The following CD8B variants were observed in gnomAD, a reference collection of about 807,000 sequenced individuals.
CD8B encodes T-cell surface glycoprotein CD8 beta chain.
CD8B carries 6 observed loss-of-function variants against 24.2 expected under a neutral mutation model. The observed-to-expected ratio is 0.25, with a 90% CI of 0.14 to 0.49. The LOEUF (loss-of-function observed/expected upper bound fraction) is 0.49. Among genes scored for constraint, CD8B ranks in the 20% least tolerant of loss-of-function variants. The pLI is 0.98. For synonymous variants in CD8B, 84 were observed against 108.3 expected (o/e 0.78, Z 1.39); for missense variants, 196 against 271.3 (o/e 0.72, Z 1.95).
chr2:86,823,209 C>G (rs1484678389), intron 5 of CD8B, among the ~76,000 whole-genome samples: 4 of 152,056 alleles, frequency 2.6e-5, no homozygotes, highest in Admixed American at 2.6e-4. Flanking sequence ...ACTCTTGGTA[C>G]CTCCTGCAAG....
In CD8B at chr2:86,841,960, C is replaced by A; in HGVS notation, c.*347G>T. On this transcript the variant is annotated 3_prime_UTR_variant, in exon 6 of 6. Coordinates refer to ENST00000390655, the MANE Select transcript of CD8B (RefSeq NM_004931.5). ...TTACTGCCCTACCAGGGCAAAGCAACCTGCAAAGATGGTGGCTAAATGGCC... is the reference window on the plus strand; with the variant it reads ...TTACTGCCCTACCAGGGCAAAGCAAACTGCAAAGATGGTGGCTAAATGGCC... 1 of 1,049,900 alleles carries A rather than the reference C, an allele frequency of 9.5e-7. No homozygotes were observed. The highest frequency in any genetic ancestry group is 1.1e-6 in the Non-Finnish European group (1 of 872,812). The allele number at this position is 1,049,900 out of a possible 1,614,324, so 65.0% of individuals were successfully genotyped here. A position where few individuals can be genotyped will look rare whatever the true frequency, so the allele number is the denominator to read the frequency against.
chr2:86,853,961 G>A (rs894546699), intron 2 of CD8B, among the ~76,000 whole-genome samples: 4 of 152,028 alleles, frequency 2.6e-5, no homozygotes, highest in Admixed American at 6.6e-5. Context: ...GGCTGGTCTT[G>A]AACTCCTGAT....
At chr2:86,843,723 G>T in intron 5 of CD8B, 1 of 980,988 alleles carries the variant, frequency 1.0e-6, no homozygotes, top group South Asian at 4.7e-5. Flanking sequence ...CTCTGACTCC[G>T]GGGTCCTGGG....
At chr2:86,846,405 C>G (rs1320672874) in intron 4 of CD8B, among the ~76,000 whole-genome samples, 1 of 152,016 alleles carries the variant, frequency 6.6e-6, no homozygotes, top group African/African-American at 2.4e-5. Context: ...TGTCCTACCC[C>G]CATCTGAGGC....
At chr2:86,825,549 A>G (rs1393826288) in intron 5 of CD8B, among the ~76,000 whole-genome samples, 5 of 152,178 alleles carry the variant, frequency 3.3e-5, no homozygotes, top group Non-Finnish European at 7.4e-5. Flanking sequence ...GAATCAGACA[A>G]CGGCTGCCCT....
downstream of CD8B, among the ~76,000 whole-genome samples, chr2:86,834,315 C>CTCAT (rs1226177783): frequency 1.3e-5 from 2 of 150,882 alleles, no homozygotes; most frequent in African/African-American, 4.9e-5. Context: ...TACATTTTTA[C>CTCAT]TCAGTGACAT....
At chr2:86,835,857 TG>T (rs1429893208), downstream of CD8B, among the ~76,000 whole-genome samples, 3 of 151,060 alleles carry the variant, frequency 2.0e-5, no homozygotes, top group African/African-American at 4.9e-5. Flanking sequence ...GGGGCTGGCA[TG>T]AGGCTGCAGC....
In CD8B at chr2:86,839,443, T is replaced by C. The variant is rs1675315672; in HGVS notation, c.*2864A>G. Reference sequence around the variant, plus strand: ...ACAAGTGGAATTGCTAGTCAAAAGATAGCTGGATGGAGTTTGGGGGGCATA... The same window carrying C: ...ACAAGTGGAATTGCTAGTCAAAAGACAGCTGGATGGAGTTTGGGGGGCATA... On this transcript the variant is annotated 3_prime_UTR_variant, in exon 6 of 6. Transcript: ENST00000390655. Among the ~76,000 whole-genome samples the C allele has an allele frequency of 1.3e-5, 2 of 152,242 alleles. No individual in the cohort carries two copies. Among genetic ancestry groups the C allele is most frequent in the African/African-American group, 4.8e-5 (2 of 41,462 alleles).
chr2:86,861,399 C>T (rs930263045), intron 1 of CD8B, among the ~76,000 whole-genome samples: 8 of 152,106 alleles, frequency 5.3e-5, no homozygotes, highest in Non-Finnish European at 1.0e-4. Flanking sequence ...GTACTACAAA[C>T]ACTTCCCCGG....
At chr2:86,818,162 CTG>C (rs1237470232) in intron 5 of CD8B, among the ~76,000 whole-genome samples, 2 of 152,004 alleles carry the variant, frequency 1.3e-5, no homozygotes, top group Non-Finnish European at 2.9e-5. Context: ...TGAGCCGAGA[CTG>C]TACCACTGCA....
intron 5 of CD8B, among the ~76,000 whole-genome samples, chr2:86,817,635 A>G (rs1674308404): frequency 6.6e-6 from 1 of 152,144 alleles, no homozygotes; most frequent in South Asian, 2.1e-4. Flanking sequence ...TCACAAGTAT[A>G]AAAAAAGCCT....
rs537694322 is a variant in CD8B, at chr2:86,857,472, G to A, written c.403+585C>T. ...GGTGGCTCACGCCTGTAATCCTAGC[G>A]CTTTGGGAGGCTAAGGTGGGTGGAT... On this transcript the variant is annotated intron_variant, in intron 2 of 5. Transcript: ENST00000390655. Among the ~76,000 whole-genome samples, 11 of 152,168 alleles carry A rather than the reference G, an allele frequency of 7.2e-5. No individual in the cohort carries two copies. The East Asian group carries it at 1.2e-3, about 16-fold the overall frequency.
At chr2:86,852,508 C>G (rs1054621679) in intron 3 of CD8B, among the ~76,000 whole-genome samples, 4 of 151,738 alleles carry the variant, frequency 2.6e-5, no homozygotes, top group African/African-American at 9.7e-5. Flanking sequence ...AAGCCCCCAG[C>G]CTTAGGCAGC....
chr2:86,822,380 C>A, intron 5 of CD8B: 1 of 1,552,760 alleles, frequency 6.4e-7, no homozygotes, highest in Non-Finnish European at 8.9e-7. Flanking sequence ...TTAGTCTTGG[C>A]ACAATAGAGT....
In CD8B at chr2:86,846,750, G is replaced by C. The variant is rs756415770; in HGVS notation, c.517C>G (p.Leu173Val). The C allele has an allele frequency of 6.3e-7, 1 of 1,582,920 alleles. No individual in the cohort carries two copies. The highest frequency in any genetic ancestry group is 1.2e-5 in the South Asian group (1 of 86,344). The change falls in exon 4 of 6, where the codon CTT becomes GTT. Residue 173 changes from leucine to valine, a missense_variant. Coordinates refer to ENST00000390655, the MANE Select transcript of CD8B (RefSeq NM_004931.5). ...AGGACGCCAGCCACCAGCAGGCCAA[G>C]GGTGATGGGGCTACAAAGTGGGCCT... ...QKGPLCSPIT[L>V]GLLVAGVLVL...
chr2:86,821,640 T>C, intron 5 of CD8B: 1 of 333,156 alleles, frequency 3.0e-6, no homozygotes, highest in Non-Finnish European at 6.6e-6. Context: ...CCTCCATAAC[T>C]GAGAGCAGGC....
chr2:86,860,602 C>T (rs1225640350), intron 1 of CD8B, among the ~76,000 whole-genome samples: 1 of 152,192 alleles, frequency 6.6e-6, no homozygotes, highest in African/African-American at 2.4e-5. Context: ...CTCAAGGTCA[C>T]ACAGTGATCC....
chr2:86,843,789 G>A, intron 5 of CD8B: 3 of 441,020 alleles, frequency 6.8e-6, no homozygotes, highest in Non-Finnish European at 9.0e-6. Context: ...TGTGAGATTG[G>A]CACTGTTAGC....
At chr2:86,827,786 A>G (rs1674751280) in intron 5 of CD8B, among the ~76,000 whole-genome samples, 2 of 152,212 alleles carry the variant, frequency 1.3e-5, no homozygotes, top group African/African-American at 2.4e-5. Flanking sequence ...AGTTGCAAAG[A>G]TTTTTGAATT....
Sources: gnomAD v4.1 joint callset for allele counts (sites outside exome capture counted in the v4.1 genomes callset) on GRCh38, gnomAD v4.1.1 for gene constraint, MANE v1.5 for transcripts, NCBI Gene and HGNC (gene_info 2026-07-23, HGNC 2026-07-21) for gene names.